WASHC4: variants seen among roughly 807,000 people sequenced by gnomAD.
WASHC4 encodes the protein WASH complex subunit 4.
WASHC4 carries 86 observed loss-of-function variants against 166.6 expected under a neutral mutation model. That is an observed-to-expected ratio of 0.52 (90% CI 0.43 to 0.62). The LOEUF (loss-of-function observed/expected upper bound fraction) is 0.62. WASHC4 is among the 20% of genes least tolerant of loss of function. WASHC4 has a pLI of 0.00. For synonymous variants in WASHC4, 446 were observed against 451.6 expected (o/e 0.99, Z 0.16); for missense variants, 1,262 against 1,382.4 (o/e 0.91, Z 1.38).
rs766820168 is a variant in WASHC4 at position 105,114,393 on chromosome 12, C to T, written c.287C>T (p.Ala96Val). 6.3e-7 allele frequency: 1 copy of T among 1,597,430 alleles called. No homozygotes were observed. ...VLNKVITVYA[A>V]LCCEIKKLKY... ...AACAAAGTCATCACTGTTTATGCTG[C>T]ACTTTGTTGTGAAATCAAGAAATTA... The change falls in exon 4 of 33, where the codon GCA becomes GTA. Residue 96 changes from alanine (A) to valine (V), a missense_variant. Ala to Val is a moderately conservative substitution (Grantham distance 64). Coordinates refer to ENST00000332180, the MANE Select transcript of WASHC4 (RefSeq NM_015275.3).
intron 28 of WASHC4, among the ~76,000 whole-genome samples, chr12:105,158,943 T>TA (rs1484069752): frequency 6.6e-6 from 1 of 152,112 alleles, no homozygotes; most frequent in African/African-American, 2.4e-5. Context: ...CTTGAAATCT[T>TA]AAAAAATAAA....
At chr12:105,162,929 T>A in intron 30 of WASHC4, 84 bp downstream of exon 30, 1 of 699,262 alleles carries the variant, frequency 1.4e-6, no homozygotes, top group Non-Finnish European at 2.4e-6. Context: ...AGAATAGGTC[T>A]ATATGTTCTT....
rs74631168 is a variant in WASHC4 at position 105,160,227 on chromosome 12, G to A, written c.3060+79G>A. On this transcript the variant is annotated intron_variant, in intron 29 of 32. Coordinates refer to ENST00000332180, the MANE Select transcript of WASHC4 (RefSeq NM_015275.3). ...AATAGATCTGGTTTCTTTGTAACACGAAATGCATACAGACTACACTATTAA... is the reference window on the plus strand; with the variant it reads ...AATAGATCTGGTTTCTTTGTAACACAAAATGCATACAGACTACACTATTAA... 1.8e-3 allele frequency: 2,065 copies of A among 1,157,830 alleles called. 32 individuals are homozygous for A. In the African/African-American group the frequency reaches 0.027, roughly 15 times the overall value. 71.7% of individuals were successfully genotyped at this position (1,157,830 alleles called of 1,614,324 possible).
rs1383956834 is a variant in WASHC4, at chr12:105,133,882, A to G, written c.1312A>G (p.Asn438Asp). Residue 438 changes from asparagine (N) to aspartate (D), a missense_variant, in exon 14 of 33, where the codon AAT becomes GAT. By Grantham distance (23) the Asn-to-Asp change is conservative (BLOSUM62 1). Transcript: ENST00000332180. ...KFAEDLTNRCNVFIQGFLYAY... is the reference protein window; with the variant it reads ...KFAEDLTNRCDVFIQGFLYAY... ...TGCTGAAGATCTCACCAATAGATGT[A>G]ATGTTTTTATACAGGTAGTTGCATC... 9 of 1,612,084 alleles carry G rather than the reference A, an allele frequency of 5.6e-6. No homozygotes were observed. The highest frequency in any genetic ancestry group is 7.6e-6 in the Non-Finnish European group (9 of 1,178,722).
In WASHC4 at chr12:105,160,125, T is replaced by A; in HGVS notation, c.3037T>A (p.Phe1013Ile). ...GCCAAAGAATATACATCTCCGAAAT[T>A]TCTATATAATTGTTCCCCCTCTGGT... ...RRPKNIHLRN[F>I]YIIVPPLTLN... The change falls in exon 29 of 33, where the codon TTC becomes ATC. Residue 1013 changes from phenylalanine (F) to isoleucine (I), a missense_variant. Coordinates refer to ENST00000332180, the MANE Select transcript of WASHC4 (RefSeq NM_015275.3). 6.2e-7 allele frequency: 1 copy of A among 1,613,860 alleles called. No homozygotes were observed. The highest frequency in any genetic ancestry group is 1.1e-5 in the South Asian group (1 of 91,072).
chr12:105,114,556 A>G, intron 4 of WASHC4, 129 bp downstream of exon 4: 1 of 698,096 alleles, frequency 1.4e-6, no homozygotes, highest in Non-Finnish European at 2.5e-6. Flanking sequence ...ACGTAATACT[A>G]ATACGGACTA....
At chr12:105,115,555 A>G (rs1376112995) in intron 5 of WASHC4, 106 bp from the exon 6 acceptor site, 2 of 788,078 alleles carry the variant, frequency 2.5e-6, no homozygotes, top group Non-Finnish European at 4.5e-6. Flanking sequence ...TACTATGCAG[A>G]GTAAAAGATG....
intron 14 of WASHC4, among the ~76,000 whole-genome samples, chr12:105,136,872 G>A (rs1729511256): frequency 6.6e-6 from 1 of 151,982 alleles, no homozygotes; most frequent in Non-Finnish European, 1.5e-5. Context: ...AACTTTGTGT[G>A]TGGTTCAGAG....
At chr12:105,144,895 T>TTA (rs755263981) in intron 22 of WASHC4, 23 bp downstream of exon 22, 2 of 1,610,314 alleles carry the variant, frequency 1.2e-6, no homozygotes, top group South Asian at 2.2e-5. Context: ...ATGTTTTTTT[T>TTA]AGCATACTGT....
At chr12:105,113,804 G>C (rs544317981) in intron 2 of WASHC4, among the ~76,000 whole-genome samples, 3 of 152,054 alleles carry the variant, frequency 2.0e-5, no homozygotes, top group African/African-American at 7.2e-5. Context: ...TGTATTTTCT[G>C]TCTTGTTTCA....
intron 20 of WASHC4, 37 bp downstream of exon 20, chr12:105,143,280 G>A (rs766847947): frequency 6.7e-6 from 8 of 1,190,818 alleles, no homozygotes; most frequent in Admixed American, 5.1e-5. Flanking sequence ...CTTAAAACAT[G>A]TTTGGAATGT....
intron 1 of WASHC4, among the ~76,000 whole-genome samples, chr12:105,110,189 G>A (rs1879531183): frequency 6.6e-6 from 1 of 152,208 alleles, no homozygotes; most frequent in Admixed American, 6.5e-5. Context: ...TGTGGTTGAA[G>A]AATAAAGGAG....
intron 31 of WASHC4, 44 bp downstream of exon 31, chr12:105,164,351 TG>T: frequency 2.0e-6 from 3 of 1,512,686 alleles, no homozygotes; most frequent in Non-Finnish European, 2.8e-6. Context: ...ACTTACCATT[TG>T]ATATCCATGA....
chr12:105,118,060 A>G (rs563873935), intron 6 of WASHC4, among the ~76,000 whole-genome samples: 2 of 152,270 alleles, frequency 1.3e-5, no homozygotes, highest in East Asian at 3.9e-4. Flanking sequence ...TCCTTCACTC[A>G]CTCAGATGTT....
intron 25 of WASHC4, 97 bp downstream of exon 25, chr12:105,149,846 T>C (rs1883595241): frequency 8.5e-7 from 1 of 1,177,528 alleles, no homozygotes; most frequent in Non-Finnish European, 1.1e-6. Context: ...TATTGGGGTT[T>C]TAGTTTTATT....
At chr12:105,137,685 T>C (rs1882441028) in intron 14 of WASHC4, among the ~76,000 whole-genome samples, 1 of 152,176 alleles carries the variant, frequency 6.6e-6, no homozygotes, top group Non-Finnish European at 1.5e-5. Context: ...AAATAAACGG[T>C]TAGGGCTGCT....
chr12:105,147,163 G>A lies in WASHC4; in HGVS notation c.2514+17G>A, dbSNP rs1012119616. ...AATACAACTGTAAGAACTTTTCTTT[G>A]GGGGTTGAGTGGGTAATAGACCCGT... is the stretch of plus-strand genomic sequence containing the variant. On this transcript the variant is annotated intron_variant, in intron 24 of 32. Coordinates refer to ENST00000332180, the MANE Select transcript of WASHC4 (RefSeq NM_015275.3). 6.7e-7 allele frequency: 1 copy of A among 1,484,726 alleles called. No individual in the cohort carries two copies. The highest frequency in any genetic ancestry group is 1.4e-5 in the African/African-American group (1 of 72,446). The allele number at this position is 1,484,726 out of a possible 1,614,324, so 92.0% of individuals were successfully genotyped here. A position where few individuals can be genotyped will look rare whatever the true frequency, so the allele number is the denominator to read the frequency against.
At chr12:105,153,421 T>G (rs907580822) in intron 26 of WASHC4, among the ~76,000 whole-genome samples, 1 of 152,246 alleles carries the variant, frequency 6.6e-6, no homozygotes, top group Non-Finnish European at 1.5e-5. Flanking sequence ...TCTATTATGT[T>G]TTAGTACAAG....
At chr12:105,139,737 T>G (rs1882655877) in intron 15 of WASHC4, among the ~76,000 whole-genome samples, 1 of 151,978 alleles carries the variant, frequency 6.6e-6, no homozygotes, top group Admixed American at 6.6e-5. Flanking sequence ...TCATTTTGGG[T>G]CTTCTTATAT....
Sources: gnomAD v4.1 joint callset for allele counts (sites outside exome capture counted in the v4.1 genomes callset) on GRCh38, gnomAD v4.1.1 for gene constraint, MANE v1.5 for transcripts, NCBI Gene and HGNC (gene_info 2026-07-23, HGNC 2026-07-21) for gene names.